The following TJP2 variants were observed in gnomAD, a reference collection of about 807,000 sequenced individuals.
TJP2 encodes tight junction protein 2, also known as Friedreich ataxia region gene X104 (tight junction protein ZO-2).
TJP2 carries 91 observed loss-of-function variants against 133.1 expected under a neutral mutation model. That is an observed-to-expected ratio of 0.68 (90% CI 0.58 to 0.81). The LOEUF is 0.81. TJP2 is among the 40% of genes least tolerant of loss of function. TJP2 has a pLI of 0.00. For missense variants in TJP2, 1,541 were observed against 1,565.6 expected (o/e 0.98, Z 0.26); for synonymous variants, 592 against 583.4 (o/e 1.01, Z -0.21).
At chr9:69,187,296 T>G (rs1825921086) in intron 1 of TJP2, among the ~76,000 whole-genome samples, 1 of 152,182 alleles carries the variant, frequency 6.6e-6, no homozygotes, top group Non-Finnish European at 1.5e-5. Flanking sequence ...TAAATATAAA[T>G]GTTGACCTGA....
At chr9:69,222,415 C>G (rs1314507344) in intron 5 of TJP2, among the ~76,000 whole-genome samples, 1 of 149,378 alleles carries the variant, frequency 6.7e-6, no homozygotes, top group East Asian at 2.0e-4. Flanking sequence ...ATCTGCCCAC[C>G]TTGGCCTCCC....
At position 69,130,631 on chromosome 9, in the gene TJP2, A is replaced by C. The variant is rs1822453293; in HGVS notation, c.-131+8906A>C. On this transcript the variant is annotated intron_variant, in intron 1 of 5. Coordinates refer to the TJP2 transcript ENST00000423935. ...GCAGGTCTGGAACTTGCATGACGGA[A>C]GGGGCCGGGCTTGAGGCTGGTCTGG... Among the ~76,000 whole-genome samples the C allele has an allele frequency of 2.0e-5, 3 of 152,084 alleles. No individual in the cohort carries two copies. In the South Asian group the frequency reaches 6.2e-4, roughly 32 times the overall value.
At chr9:69,250,362 C>T (rs1414042475) in intron 20 of TJP2, among the ~76,000 whole-genome samples, 1 of 152,194 alleles carries the variant, frequency 6.6e-6, no homozygotes, top group African/African-American at 2.4e-5. Context: ...CTTCGGCCTC[C>T]CACAGTGCTG....
intron 3 of TJP2, among the ~76,000 whole-genome samples, chr9:69,216,829 T>G (rs988090264): frequency 1.3e-5 from 2 of 152,184 alleles, no homozygotes; most frequent in East Asian, 3.8e-4. Flanking sequence ...CTTTAAGAAT[T>G]TAATGAGGAG....
intron 1 of TJP2, among the ~76,000 whole-genome samples, chr9:69,122,827 G>C (rs74749405): frequency 6.6e-6 from 1 of 152,154 alleles, no homozygotes; most frequent in Non-Finnish European, 1.5e-5. Flanking sequence ...GTTTCTGAAC[G>C]CATTTCCACA....
chr9:69,214,866 C>CAAAAAAAAAAAAAAAAAAAAAAAAAAAAA (rs10672826), intron 2 of TJP2, among the ~76,000 whole-genome samples: 1 of 135,814 alleles, frequency 7.4e-6, no homozygotes. Flanking sequence ...GACTCCATCT[C>CAAAAAAAAAAAAAAAAAAAAAAAAAAAAA]AAAAAAAAAA....
chr9:69,145,590 C>G (rs1382242818), intron 1 of TJP2: 1 of 563,646 alleles, frequency 1.8e-6, no homozygotes, highest in Non-Finnish European at 2.6e-6. Flanking sequence ...ATAGATCTAG[C>G]TAGGGCTACA....
chr9:69,211,258 A>AC (rs1272071216), intron 1 of TJP2, among the ~76,000 whole-genome samples: 1 of 152,160 alleles, frequency 6.6e-6, no homozygotes, highest in Non-Finnish European at 1.5e-5. Context: ...AATCGCTTGA[A>AC]CCTGGGAGGC....
intron 2 of TJP2, among the ~76,000 whole-genome samples, chr9:69,168,232 G>A (rs1291244195): frequency 6.6e-6 from 1 of 152,168 alleles, no homozygotes; most frequent in African/African-American, 2.4e-5. Context: ...AAAATACTTT[G>A]CTGTCTTTGT....
intron 1 of TJP2, among the ~76,000 whole-genome samples, chr9:69,207,406 C>T (rs888782683): frequency 1.1e-4 from 17 of 152,142 alleles, no homozygotes; most frequent in African/African-American, 3.9e-4. Context: ...GTCTTCATTG[C>T]AGTAAAACAT....
chr9:69,221,274 A>G lies in TJP2; in HGVS notation c.730A>G (p.Ser244Gly). The G allele has an allele frequency of 1.9e-6, 3 of 1,608,148 alleles. No homozygotes were observed. Among genetic ancestry groups the G allele is most frequent in the South Asian group, 1.1e-5 (1 of 90,308 alleles). Reference protein sequence around the residue: ...DRDRDRSRGRSIDQDYERAYH... With the variant: ...DRDRDRSRGRGIDQDYERAYH... The stretch of plus-strand genomic sequence containing the variant: ...GGACCGTGACCGCAGCCGCGGCCGG[A>G]GCATTGACCAGGACTACGAGCGAGC... Residue 244 changes from serine (S) to glycine (G), a missense_variant, in exon 5 of 23, where the codon AGC becomes GGC. Coordinates refer to ENST00000377245, the MANE Select transcript of TJP2 (RefSeq NM_004817.4).
intron 17 of TJP2, among the ~76,000 whole-genome samples, chr9:69,243,372 G>A (rs968368568): frequency 6.6e-6 from 1 of 152,166 alleles, no homozygotes; most frequent in Non-Finnish European, 1.5e-5. Context: ...ATGACAATAT[G>A]AAAATAGTTC....
intron 4 of TJP2, among the ~76,000 whole-genome samples, chr9:69,220,286 C>T (rs561550542): frequency 4.7e-4 from 71 of 152,198 alleles, no homozygotes; most frequent in African/African-American, 1.6e-3. Context: ...AGATTGGGCA[C>T]GTTCAGGATG....
In TJP2 at chr9:69,189,633, C is replaced by CTTT. The variant is rs57985835; in HGVS notation, c.60+15214_60+15216dup. Among the ~76,000 whole-genome samples, 68 of 61,116 alleles carry CTTT rather than the reference C, an allele frequency of 1.1e-3. 13 individuals carry two copies. The highest frequency in any genetic ancestry group is 3.9e-3 in the African/African-American group (65 of 16,596). The allele number at this position is 61,116 out of a possible 152,430, so 40.1% of individuals were successfully genotyped here. A position where few individuals can be genotyped will look rare whatever the true frequency, so the allele number is the denominator to read the frequency against. ...CCTGAGCACCACAGTGGAGACTCCACTTTTTTTTTTTTTTTAAGTTTAAAA... is the reference window on the plus strand; with the variant it reads ...CCTGAGCACCACAGTGGAGACTCCACTTTTTTTTTTTTTTTTTTAAGTTTAAAA... On this transcript the variant is annotated intron_variant, in intron 1 of 22. Transcript: ENST00000377245.
intron 19 of TJP2, 50 bp from the exon 20 acceptor site, chr9:69,249,325 T>G: frequency 1.3e-6 from 2 of 1,563,212 alleles, no homozygotes; most frequent in Non-Finnish European, 1.7e-6. Flanking sequence ...GAGTGCTCTG[T>G]TCTCTCTGCT....
chr9:69,179,907 T>C (rs1004357282), intron 1 of TJP2, among the ~76,000 whole-genome samples: 2 of 152,228 alleles, frequency 1.3e-5, no homozygotes, highest in Non-Finnish European at 2.9e-5. Flanking sequence ...AAGGATCTTA[T>C]GTCACATTCT....
At chr9:69,198,247 T>C (rs1489000036) in intron 1 of TJP2, among the ~76,000 whole-genome samples, 2 of 150,596 alleles carry the variant, frequency 1.3e-5, no homozygotes, top group Admixed American at 1.3e-4. Context: ...GTTCAAGCGA[T>C]TCTCTTGCCT....
At chr9:69,192,803 A>T (rs1256841928) in intron 1 of TJP2, among the ~76,000 whole-genome samples, 1 of 151,980 alleles carries the variant, frequency 6.6e-6, no homozygotes, top group Non-Finnish European at 1.5e-5. Context: ...CACAGTGACA[A>T]GGGGATCTTG....
chr9:69,233,303 T>C (rs1290947744), intron 11 of TJP2, among the ~76,000 whole-genome samples: 1 of 152,242 alleles, frequency 6.6e-6, no homozygotes, highest in Non-Finnish European at 1.5e-5. Flanking sequence ...GTTTCTTCTT[T>C]AATAAAGCAT....
Sources: gnomAD v4.1 joint callset for allele counts (sites outside exome capture counted in the v4.1 genomes callset) on GRCh38, gnomAD v4.1.1 for gene constraint, MANE v1.5 for transcripts, NCBI Gene and HGNC (gene_info 2026-07-23, HGNC 2026-07-21) for gene names.